The following SEC14L1 variants were observed in gnomAD, a reference collection of about 807,000 sequenced individuals.
SEC14L1 encodes the protein SEC14 like lipid binding 1, also known as SEC14-like protein 1.
SEC14L1 carries 48 observed loss-of-function variants against 85.3 expected under a neutral mutation model. The observed-to-expected ratio is 0.56, with a 90% CI of 0.45 to 0.72. The LOEUF (loss-of-function observed/expected upper bound fraction) is 0.72, where lower values mean the gene tolerates loss of function less well. Ranked by LOEUF, SEC14L1 falls within the 30% of genes least tolerant of loss-of-function variation. The probability of loss-of-function intolerance (pLI) is 0.00; values close to 1 mark genes in which losing one functional copy is unlikely to be tolerated. For missense variants in SEC14L1, 682 were observed against 921.4 expected, an observed-to-expected ratio of 0.74 and a Z score of 3.36; for synonymous variants, 391 against 355.5, an observed-to-expected ratio of 1.10 and a Z score of -1.12.
intron 3 of SEC14L1, among the ~76,000 whole-genome samples, chr17:77,111,365 A>G (rs1972041443): frequency 6.6e-6 from 1 of 151,794 alleles, no homozygotes; most frequent in Non-Finnish European, 1.5e-5. Context: ...GTTAAGATAA[A>G]AGATTGTGGA....
intron 3 of SEC14L1, among the ~76,000 whole-genome samples, chr17:77,157,388 T>A (rs1290767349): frequency 6.6e-6 from 1 of 152,182 alleles, no homozygotes; most frequent in East Asian, 1.9e-4. Flanking sequence ...TTTCTGGAGG[T>A]GAGTCCCGCA....
At chr17:77,205,223 T>C (rs1976403892) in intron 10 of SEC14L1, 53 bp from the exon 11 acceptor site, 3 of 1,483,140 alleles carry the variant, frequency 2.0e-6, no homozygotes, top group Non-Finnish European at 1.9e-6. Context: ...CTGGACGCGG[T>C]AGTTTTAGCC....
At chr17:77,198,004 A>G (rs1273598491) in intron 8 of SEC14L1, among the ~76,000 whole-genome samples, 3 of 152,258 alleles carry the variant, frequency 2.0e-5, no homozygotes, top group Non-Finnish European at 2.9e-5. Context: ...ATTTCTTGTC[A>G]TACTGACTTT....
rs540808497 is a variant in SEC14L1, at chr17:77,114,624, C to T, written c.-136+21277C>T. 3.8e-4 allele frequency among the ~76,000 whole-genome samples: 58 copies of T among 151,100 alleles called. 1 individual carries two copies. The highest frequency in any genetic ancestry group is 3.1e-3 in the Admixed American group (47 of 15,122). On this transcript the variant is annotated intron_variant, in intron 3 of 19. Transcript: ENST00000392476. ...CCAAGGCGGGCAGATCACCTAAGGT[C>T]GGGAGTTCGAGACCAGCCTGGCCAA...
Position 77,215,118 on chromosome 17 carries a change from TGGG to T in SEC14L1, c.*1099_*1101del. 1 of 985,350 alleles carries T rather than the reference TGGG, an allele frequency of 1.0e-6. No homozygotes were observed. The highest frequency in any genetic ancestry group is 1.2e-6 in the Non-Finnish European group (1 of 829,966). 61.0% of individuals were successfully genotyped at this position (985,350 alleles called of 1,614,324 possible). A position where few individuals can be genotyped will look rare whatever the true frequency, so the allele number is the denominator to read the frequency against. Reference sequence around the variant, plus strand: ...CATGTGTGCATGACGGTGGGGGTGCTGGGGGGACGGGGTGAGTGGAAACTTAGT... The same window carrying T: ...CATGTGTGCATGACGGTGGGGGTGCTGGGACGGGGTGAGTGGAAACTTAGT... On this transcript the variant is annotated 3_prime_UTR_variant, in exon 17 of 17. Transcript: ENST00000436233.
chr17:77,193,597 G>A, intron 6 of SEC14L1, 48 bp downstream of exon 6: 1 of 1,567,966 alleles, frequency 6.4e-7, no homozygotes. Context: ...AGGAGTCTCT[G>A]AGATGACCAT....
chr17:77,178,647 A>G (rs1485987192), intron 3 of SEC14L1, among the ~76,000 whole-genome samples: 1 of 152,204 alleles, frequency 6.6e-6, no homozygotes, highest in African/African-American at 2.4e-5. Flanking sequence ...ATCATCAGGC[A>G]TTGGATTCTC....
chr17:77,186,928 TTTGG>T (rs1259072321), intron 3 of SEC14L1, among the ~76,000 whole-genome samples: 2 of 152,344 alleles, frequency 1.3e-5, no homozygotes, highest in East Asian at 3.9e-4. Context: ...TAACTCTGTT[TTTGG>T]TTGTGATTAA....
At position 77,190,872 on chromosome 17, in the gene SEC14L1, T is replaced by C. The variant is rs147719854; in HGVS notation, c.133T>C (p.Phe45Leu). ...MFVGSDTVNE[F>L]KSEDGAIHVI... ...CGTGGGCAGTGACACTGTGAATGAA[T>C]TCAAGAGCGAAGATGGGGCTATTCA... The change falls in exon 4 of 17, where the codon TTC becomes CTC. Residue 45 changes from phenylalanine (F) to leucine (L), a missense_variant. Physicochemically the swap from Phe to Leu is conservative, Grantham distance 22 (BLOSUM62 0). Transcript: ENST00000436233. 75 of 1,614,116 alleles carry C rather than the reference T, an allele frequency of 4.6e-5. No homozygotes were observed. Among genetic ancestry groups the C allele is most frequent in the Middle Eastern group, 1.6e-4 (1 of 6,084 alleles).
At chr17:77,156,120 C>T (rs1031599447) in intron 3 of SEC14L1, among the ~76,000 whole-genome samples, 1 of 152,174 alleles carries the variant, frequency 6.6e-6, no homozygotes, top group African/African-American at 2.4e-5. Context: ...CTGGCTGACT[C>T]TAGCTGGCTG....
intron 2 of SEC14L1, 104 bp from the exon 3 acceptor site, chr17:77,143,460 TGTG>T (rs1489847348): frequency 4.6e-5 from 29 of 627,012 alleles, no homozygotes; most frequent in Non-Finnish European, 6.0e-5. Flanking sequence ...TATGACCTAT[TGTG>T]GTCTCTTTCT....
At chr17:77,160,811 AG>A (rs1400976140) in intron 3 of SEC14L1, among the ~76,000 whole-genome samples, 1,561 of 152,354 alleles carry the variant, frequency 0.01, 29 homozygotes, top group African/African-American at 0.035. Flanking sequence ...GCACATGGTT[AG>A]CTTTTATTTT....
chr17:77,121,282 G>C (rs555014894), intron 3 of SEC14L1, among the ~76,000 whole-genome samples: 1 of 152,242 alleles, frequency 6.6e-6, no homozygotes. Context: ...TGGAGAAGTG[G>C]TAGGAGAGGC....
intron 13 of SEC14L1, 141 bp downstream of exon 13, chr17:77,207,003 T>A: frequency 1.2e-6 from 1 of 851,552 alleles, no homozygotes; most frequent in South Asian, 2.2e-5. Context: ...CCGCCATTTC[T>A]CTGATCCAGG....
intron 3 of SEC14L1, among the ~76,000 whole-genome samples, chr17:77,170,045 C>T (rs1317168535): frequency 1.3e-5 from 2 of 152,082 alleles, no homozygotes; most frequent in African/African-American, 4.8e-5. Context: ...TTTTATTTAT[C>T]CTGGAAGGGC....
Position 77,206,266 on chromosome 17 carries a change from A to T in SEC14L1, c.1207A>T (p.Met403Leu). The change falls in exon 12 of 17, where the codon ATG becomes TTG. Residue 403 changes from methionine (M) to leucine (L), a missense_variant. By Grantham distance (15) the Met-to-Leu change is conservative. Around this residue, in one of 3 missense-constraint regions of SEC14L1, gnomAD observed 420 missense variants for 619.5 expected, o/e 0.68. Transcript: ENST00000436233. The surrounding 1 kb of genome is among the most constrained non-coding windows in gnomAD (Gnocchi z 4.3). Reference sequence around the variant, plus strand: ...CCTGGTGGACTTGGAAGGGCTGAACATGCGCCACTTGTGGAGACCTGGTGT... The same window carrying T: ...CCTGGTGGACTTGGAAGGGCTGAACTTGCGCCACTTGTGGAGACCTGGTGT... The part of the protein sequence containing the change: ...TCLVDLEGLN[M>L]RHLWRPGVKA... 6.2e-7 allele frequency: 1 copy of T among 1,614,166 alleles called. No individual in the cohort carries two copies.
At chr17:77,172,246 T>TA (rs778355887) in intron 3 of SEC14L1, among the ~76,000 whole-genome samples, 76 of 151,916 alleles carry the variant, frequency 5.0e-4, no homozygotes, top group Admixed American at 9.2e-4. Flanking sequence ...GGACTTGAGG[T>TA]AAAAAAAAGA....
At chr17:77,176,264 TGGG>T (rs1974753102) in intron 3 of SEC14L1, among the ~76,000 whole-genome samples, 1 of 151,918 alleles carries the variant, frequency 6.6e-6, no homozygotes, top group East Asian at 1.9e-4. Flanking sequence ...CACTCCAGCT[TGGG>T]CAATAAGAGC....
At chr17:77,143,765 G>C in intron 3 of SEC14L1, 106 bp downstream of exon 3, 1 of 785,178 alleles carries the variant, frequency 1.3e-6, no homozygotes, top group African/African-American at 1.7e-5. Context: ...GGCATCACTT[G>C]AACTTACTCT....
Sources: gnomAD v4.1 joint callset for allele counts (sites outside exome capture counted in the v4.1 genomes callset) on GRCh38, gnomAD v4.1.1 for gene constraint, gnomAD v4.1.1 regional missense constraint, Gnocchi (gnomAD v3.1) non-coding constraint, MANE v1.5 for transcripts, NCBI Gene and HGNC (gene_info 2026-07-23, HGNC 2026-07-21) for gene names.